The following PRDM2 variants were observed in gnomAD, a reference collection of about 807,000 sequenced individuals.
The protein encoded by PRDM2 is PR domain zinc finger protein 2.
In PRDM2, 30 loss-of-function variants were observed where a neutral mutation model predicts 130.0. The ratio of observed to expected loss-of-function variants is 0.23; its 90% confidence interval spans 0.17 to 0.31. PRDM2 has a LOEUF of 0.31. Ranked by LOEUF, PRDM2 falls within the 10% of genes least tolerant of loss-of-function variation. PRDM2 has a pLI of 1.00. For synonymous variants in PRDM2, 871 were observed against 782.4 expected (o/e 1.11, Z -1.89); for missense variants, 2,011 against 2,108.4 (o/e 0.95, Z 0.90).
intron 6 of PRDM2, among the ~76,000 whole-genome samples, chr1:13,769,578 G>A (rs184873262): frequency 5.9e-5 from 9 of 152,168 alleles, no homozygotes; most frequent in African/African-American, 2.2e-4. Flanking sequence ...ACGATGAGAC[G>A]TAACTTAACT....
intron 1 of PRDM2, among the ~76,000 whole-genome samples, chr1:13,701,065 T>G (rs1415616996): frequency 1.3e-5 from 2 of 152,206 alleles, no homozygotes; most frequent in Admixed American, 6.5e-5. Flanking sequence ...GGCTTGTAGC[T>G]TTGTGTCGGG....
intron 5 of PRDM2, among the ~76,000 whole-genome samples, chr1:13,748,895 C>G (rs573504282): frequency 6.6e-6 from 1 of 152,196 alleles, no homozygotes; most frequent in Non-Finnish European, 1.5e-5. Flanking sequence ...CGCGTGGTTC[C>G]TCCTCGTTGT....
chr1:13,722,707 C>A, intron 2 of PRDM2: 1 of 375,532 alleles, frequency 2.7e-6, no homozygotes, highest in South Asian at 2.0e-5. Flanking sequence ...CATTCCCATT[C>A]TGTATTAGAA....
At chr1:13,815,192 T>G (rs1339539723) in intron 8 of PRDM2, among the ~76,000 whole-genome samples, 1 of 152,110 alleles carries the variant, frequency 6.6e-6, no homozygotes, top group Non-Finnish European at 1.5e-5. Flanking sequence ...CTGCAACCTC[T>G]GCCTCCCGGG....
intron 1 of PRDM2, among the ~76,000 whole-genome samples, chr1:13,704,146 G>C (rs768387269): frequency 6.6e-6 from 1 of 152,228 alleles, no homozygotes; most frequent in African/African-American, 2.4e-5. Context: ...AACGTGAAAA[G>C]AGATGTGCTT....
chr1:13,784,162 C>T (rs894564307), intron 8 of PRDM2, among the ~76,000 whole-genome samples: 10 of 152,274 alleles, frequency 6.6e-5, no homozygotes, highest in South Asian at 2.1e-4. Context: ...GGTCTCTGGC[C>T]GCGGCACATA....
chr1:13,783,711 G>A (rs1203650), intron 8 of PRDM2, among the ~76,000 whole-genome samples: 26,458 of 152,178 alleles, frequency 0.17, 2,904 homozygotes, highest in Admixed American at 0.24. Flanking sequence ...TCCTTTGTCC[G>A]AAGTGGATGT....
At chr1:13,792,419 C>CT (rs775429758) in intron 8 of PRDM2, among the ~76,000 whole-genome samples, 14 of 152,258 alleles carry the variant, frequency 9.2e-5, no homozygotes, top group Non-Finnish European at 1.5e-4. Flanking sequence ...CCAAAATATA[C>CT]TTTAATTTTT....
intron 1 of PRDM2, among the ~76,000 whole-genome samples, chr1:13,708,864 G>A (rs1642286577): frequency 2.0e-5 from 3 of 152,232 alleles, no homozygotes; most frequent in South Asian, 4.1e-4. Context: ...TCCTGTCTGC[G>A]CAGTCTCTCT....
In PRDM2 at chr1:13,824,933, A is replaced by T. The variant is rs2100782107; in HGVS notation, c.*1798A>T. On this transcript the variant is annotated 3_prime_UTR_variant, in exon 10 of 10. Coordinates refer to ENST00000311066, the MANE Select transcript of PRDM2 (RefSeq NM_001393986.1). ...CACCCTTCAACGCTCCCAGACGGTC[A>T]GGAAAACTGTTCCAATCATGAAAAG... 6.5e-6 allele frequency: 1 copy of T among 152,824 alleles called. No individual in the cohort carries two copies. The highest frequency in any genetic ancestry group is 1.5e-5 in the Non-Finnish European group (1 of 68,068). 9.5% of individuals were successfully genotyped at this position (152,824 alleles called of 1,614,324 possible). A position where few individuals can be genotyped will look rare whatever the true frequency, so the allele number is the denominator to read the frequency against.
intron 1 of PRDM2, among the ~76,000 whole-genome samples, chr1:13,714,857 A>AGTT (rs1642484197): frequency 6.6e-6 from 1 of 152,232 alleles, no homozygotes; most frequent in South Asian, 2.1e-4. Context: ...AAATGACTCA[A>AGTT]GGCATACGTT....
intron 1 of PRDM2, among the ~76,000 whole-genome samples, chr1:13,701,623 A>G (rs755044770): frequency 8.5e-5 from 13 of 152,154 alleles, no homozygotes; most frequent in Non-Finnish European, 1.5e-4. Context: ...AAATTTTTAC[A>G]TGTAGAATCT....
intron 4 of PRDM2, among the ~76,000 whole-genome samples, chr1:13,736,937 T>C (rs1283346002): frequency 6.6e-6 from 1 of 152,196 alleles, no homozygotes; most frequent in Non-Finnish European, 1.5e-5. Context: ...AGAGAAATTG[T>C]CTCTGTATAA....
intron 2 of PRDM2, among the ~76,000 whole-genome samples, chr1:13,725,042 G>A (rs188369860): frequency 6.6e-6 from 1 of 152,284 alleles, no homozygotes; most frequent in Admixed American, 6.5e-5. Flanking sequence ...TGAGAGGGGA[G>A]GTACGATGGA....
chr1:13,745,630 G>T (rs1643579333), intron 5 of PRDM2, among the ~76,000 whole-genome samples: 1 of 152,020 alleles, frequency 6.6e-6, no homozygotes, highest in Non-Finnish European at 1.5e-5. Flanking sequence ...TCACCATATT[G>T]GTCAGGTGGT....
At chr1:13,730,924 G>T in intron 2 of PRDM2, 76 bp from the exon 3 acceptor site, 2 of 1,101,466 alleles carry the variant, frequency 1.8e-6, no homozygotes, top group Non-Finnish European at 1.3e-6. Context: ...CTTGCTTATT[G>T]AACCAGAAAA....
chr1:13,785,362 G>A (rs868120872), intron 8 of PRDM2, among the ~76,000 whole-genome samples: 13 of 152,180 alleles, frequency 8.5e-5, no homozygotes, highest in Middle Eastern at 3.2e-3. Flanking sequence ...GCACATCCTT[G>A]TCCTGTGTTA....
At chr1:13,804,594 G>A (rs185135057) in intron 8 of PRDM2, among the ~76,000 whole-genome samples, 216 of 152,268 alleles carry the variant, frequency 1.4e-3, no homozygotes, top group African/African-American at 5.0e-3. Flanking sequence ...CAAGCTCCGG[G>A]GGGGGAAATG....
Position 13,782,864 on chromosome 1 carries a change from G to A in PRDM2, c.5036+33G>A, listed in dbSNP as rs772182360. ...CAGGAGCTGGTGGGAGGGAAAGACCGGGAAGGCGACAGTATCCTTGCCTAC... is the reference window on the plus strand; with the variant it reads ...CAGGAGCTGGTGGGAGGGAAAGACCAGGAAGGCGACAGTATCCTTGCCTAC... On this transcript the variant is annotated intron_variant, in intron 8 of 9. Coordinates refer to ENST00000311066, the MANE Select transcript of PRDM2 (RefSeq NM_001393986.1). 57 of 1,605,558 alleles carry A rather than the reference G, an allele frequency of 3.6e-5. No homozygotes were observed. In the East Asian group the frequency reaches 9.4e-4, roughly 26 times the overall value.
Sources: gnomAD v4.1 joint callset for allele counts (sites outside exome capture counted in the v4.1 genomes callset) on GRCh38, gnomAD v4.1.1 for gene constraint, MANE v1.5 for transcripts, NCBI Gene and HGNC (gene_info 2026-07-23, HGNC 2026-07-21) for gene names.